Variants in SERPINA12 observed in about 807,000 individuals in gnomAD.
SERPINA12 encodes the protein serpin A12.
SERPINA12 carries 21 observed loss-of-function variants against 25.9 expected under a neutral mutation model. That is an observed-to-expected ratio of 0.81 (90% CI 0.58 to 1.17). The LOEUF (loss-of-function observed/expected upper bound fraction) is 1.17. Among genes scored for constraint, SERPINA12 ranks in the 50% most tolerant of loss-of-function variants. SERPINA12 has a pLI of 0.00. For synonymous variants in SERPINA12, 220 were observed against 196.0 expected (o/e 1.12, Z -1.02); for missense variants, 562 against 508.3 (o/e 1.11, Z -1.02).
chr14:94,490,280 T>C (rs1900115556), intron 3 of SERPINA12, among the ~76,000 whole-genome samples: 1 of 152,144 alleles, frequency 6.6e-6, no homozygotes, highest in Non-Finnish European at 1.5e-5. Flanking sequence ...CTAGGGGTGC[T>C]AAGGCAAATG....
chr14:94,495,099 C>G (rs1366190453), intron 3 of SERPINA12, among the ~76,000 whole-genome samples: 1 of 125,962 alleles, frequency 7.9e-6, no homozygotes, highest in Non-Finnish European at 1.6e-5. Flanking sequence ...GATGGAGTCT[C>G]GCTCTGTCGC....
chr14:94,496,241 A>T, intron 3 of SERPINA12, 132 bp downstream of exon 3: 1 of 859,712 alleles, frequency 1.2e-6, no homozygotes, highest in Non-Finnish European at 1.8e-6. Flanking sequence ...TCCCCAGTCT[A>T]ATTCTCACCA....
intron 1 of SERPINA12, among the ~76,000 whole-genome samples, chr14:94,504,905 A>G (rs534605499): frequency 5.3e-5 from 8 of 152,230 alleles, no homozygotes; most frequent in Non-Finnish European, 1.2e-4. Context: ...AAGGCTTAAA[A>G]TAAAATAAAA....
At chr14:94,516,172 A>C (rs1314186528) in intron 1 of SERPINA12, 1 of 152,366 alleles carries the variant, frequency 6.6e-6, no homozygotes, top group African/African-American at 2.4e-5. Context: ...GAGTGATATG[A>C]GATAGAGGTT....
chr14:94,511,974 A>T (rs4905213), upstream of SERPINA12, among the ~76,000 whole-genome samples: 73,368 of 151,896 alleles, frequency 0.48, 19,388 homozygotes, highest in African/African-American at 0.72. Context: ...GTCTCGCACC[A>T]GTGGTCCCAG....
At chr14:94,515,838 T>C (rs1441900992) in exon 2 of SERPINA12, 1 of 152,166 alleles carries the variant, frequency 6.6e-6, no homozygotes, top group East Asian at 1.9e-4. Context: ...TAGAAAGCTA[T>C]TGCACCTCCC....
upstream of SERPINA12, among the ~76,000 whole-genome samples, chr14:94,510,636 T>C (rs1179831366): frequency 1.3e-5 from 2 of 152,114 alleles, no homozygotes; most frequent in East Asian, 3.9e-4. Flanking sequence ...GAAATCATTA[T>C]ATGAAAAAGA....
At chr14:94,497,660 A>G (rs1049692547) in intron 2 of SERPINA12, 104 bp downstream of exon 2, 1 of 1,042,448 alleles carries the variant, frequency 9.6e-7, no homozygotes, top group Non-Finnish European at 1.4e-6. Flanking sequence ...GATAAATCAC[A>G]TATGAATTCA....
rs540977331 is a variant in SERPINA12, at chr14:94,497,432, G to C, written c.634+332C>G. Among the ~76,000 whole-genome samples the C allele has an allele frequency of 8.5e-5, 13 of 152,272 alleles. 1 individual carries two copies. In the South Asian group the frequency reaches 2.1e-3, roughly 24 times the overall value. ...GGGCTTTGTAACTTGGAGTAAGTCA[G>C]TTAATCTCACTCTGATTTTTTTTTC... On this transcript the variant is annotated intron_variant, in intron 2 of 4. Transcript: ENST00000677451.
upstream of SERPINA12, chr14:94,509,876 C>T (rs551205644): frequency 1.3e-5 from 8 of 612,428 alleles, no homozygotes; most frequent in African/African-American, 2.0e-5. Flanking sequence ...TGAGCAGAAT[C>T]GTCCACCCCA....
At chr14:94,511,857 G>C, upstream of SERPINA12, 1 of 350,830 alleles carries the variant, frequency 2.9e-6, no homozygotes, top group Non-Finnish European at 4.0e-6. Flanking sequence ...TAGCACTTTG[G>C]GAGGCCAAGG....
intron 4 of SERPINA12, among the ~76,000 whole-genome samples, chr14:94,489,056 C>G (rs917504141): frequency 6.6e-6 from 1 of 151,400 alleles, no homozygotes; most frequent in African/African-American, 2.4e-5. Context: ...GAGATCGCAC[C>G]ACTGTACTCC....
intron 3 of SERPINA12, among the ~76,000 whole-genome samples, chr14:94,492,183 T>C (rs1444404548): frequency 6.6e-6 from 1 of 152,052 alleles, no homozygotes; most frequent in East Asian, 1.9e-4. Context: ...CAGACACCCT[T>C]GGGACCCTGG....
At chr14:94,495,063 T>TA (rs1900340259) in intron 3 of SERPINA12, among the ~76,000 whole-genome samples, 4 of 124,904 alleles carry the variant, frequency 3.2e-5, no homozygotes, top group African/African-American at 9.9e-5. Context: ...AATTTCCCTT[T>TA]CTTTTTTTTT....
intron 3 of SERPINA12, among the ~76,000 whole-genome samples, chr14:94,494,545 C>A (rs7153405): frequency 0.024 from 3,683 of 152,278 alleles, 153 homozygotes; most frequent in African/African-American, 0.084. Flanking sequence ...CCCTCGAGAT[C>A]TGCACAGCCT....
chr14:94,497,079 A>AT (rs1210826891), intron 2 of SERPINA12, among the ~76,000 whole-genome samples: 1 of 152,126 alleles, frequency 6.6e-6, no homozygotes, highest in Admixed American at 6.5e-5. Flanking sequence ...TCCAGCAGTG[A>AT]TTTTGTCTGG....
At chr14:94,493,334 A>T (rs189311869) in intron 3 of SERPINA12, among the ~76,000 whole-genome samples, 1 of 152,340 alleles carries the variant, frequency 6.6e-6, no homozygotes, top group East Asian at 1.9e-4. Context: ...TCTTCTCGGG[A>T]AGGTGGACAA....
chr14:94,507,459 G>A (rs1900971248), intron 1 of SERPINA12, among the ~76,000 whole-genome samples: 1 of 152,206 alleles, frequency 6.6e-6, no homozygotes, highest in Non-Finnish European at 1.5e-5. Flanking sequence ...GTCTGTGTCT[G>A]ATAAAAGGCT....
intron 3 of SERPINA12, among the ~76,000 whole-genome samples, chr14:94,489,988 A>T (rs746830585): frequency 1.3e-5 from 2 of 152,202 alleles, no homozygotes; most frequent in East Asian, 3.9e-4. Context: ...CACCTGCCCC[A>T]GAGCCCTCTA....
Sources: allele counts gnomAD v4.1 joint callset (sites outside exome capture counted in the v4.1 genomes callset), GRCh38; gene constraint gnomAD v4.1.1; transcripts MANE v1.5; gene names NCBI Gene and HGNC (gene_info 2026-07-23, HGNC 2026-07-21).